The following BTK variants were observed in gnomAD, a reference collection of about 807,000 sequenced individuals.
BTK encodes Bruton tyrosine kinase, also known as tyrosine-protein kinase BTK.
In BTK, 5 loss-of-function variants were observed where a neutral mutation model predicts 57.4. The observed-to-expected ratio is 0.09, with a 90% CI of 0.05 to 0.18. The LOEUF (loss-of-function observed/expected upper bound fraction) is 0.18, where lower values mean the gene tolerates loss of function less well. Among genes scored for constraint, BTK ranks in the 10% least tolerant of loss-of-function variants. The pLI, the probability that BTK is intolerant of heterozygous loss-of-function variation, is 1.00. For synonymous variants in BTK, 154 were observed against 174.3 expected (o/e 0.88, Z 0.92); for missense variants, 194 against 501.2 (o/e 0.39, Z 5.85).
intron 1 of BTK, among the ~76,000 whole-genome samples, chrX:101,382,358 G>T (rs1382973801): frequency 8.5e-5 from 8 of 94,098 alleles, no homozygotes; most frequent in African/African-American, 4.0e-4. Context: ...ACAGAGTCTC[G>T]CTCTGTCATC....
chrX:101,375,941 A>G (rs1365908278), intron 1 of BTK, among the ~76,000 whole-genome samples: 1 of 105,146 alleles, frequency 9.5e-6, no homozygotes, highest in Non-Finnish European at 1.9e-5. Flanking sequence ...GATTTGTTCT[A>G]AAGTTGAAAA....
rs1927173668 is a variant in BTK at position 101,375,314 on chromosome X, G to A, written c.-30C>T. On this transcript the variant is annotated splice_region_variant and 5_prime_UTR_variant, in exon 2 of 19. Coordinates refer to ENST00000308731, the MANE Select transcript of BTK (RefSeq NM_000061.3). ...TCTTCTTTCTGGAGTTCACCTGTGT[G>A]CTGTTGATAATGAAAGTTCCTGAGG... The A allele has an allele frequency of 8.3e-7, 1 of 1,208,487 alleles. No homozygotes were observed. The highest frequency in any genetic ancestry group is 1.8e-5 in the African/African-American group (1 of 57,117).
chrX:101,381,045 A>G (rs184999934), intron 1 of BTK, among the ~76,000 whole-genome samples: 1,780 of 105,389 alleles, frequency 0.017, 45 homozygotes, highest in African/African-American at 0.058. Context: ...TTATATATAT[A>G]TATATGGTAC....
At position 101,381,397 on chromosome X, in the gene BTK, T is replaced by G. The variant is rs1927419919; in HGVS notation, c.-31+4665A>C. On this transcript the variant is annotated intron_variant, in intron 1 of 18. Transcript: ENST00000308731. The stretch of plus-strand genomic sequence containing the variant: ...TTTTCAGTCCTGTCTTCCTGATGCT[T>G]CACTATGAAATGTGGTAGAATTATC... 2.7e-5 allele frequency among the ~76,000 whole-genome samples: 3 copies of G among 111,889 alleles called. No homozygotes were observed. The Admixed American group carries it at 2.9e-4, about 11-fold the overall frequency.
upstream of BTK, among the ~76,000 whole-genome samples, chrX:101,386,989 C>T (rs1376888074): frequency 9.0e-6 from 1 of 111,388 alleles, no homozygotes; most frequent in Non-Finnish European, 1.9e-5. Context: ...CTAGGAAATG[C>T]AGCCAGTATT....
At chrX:101,378,528 G>GACACACACACACAC (rs72139259) in intron 1 of BTK, among the ~76,000 whole-genome samples, 77 of 95,390 alleles carry the variant, frequency 8.1e-4, no homozygotes, top group Admixed American at 3.1e-3. Context: ...CAAACATACA[G>GACACACACACACAC]ACACACACAC....
In BTK at chrX:101,349,880, C is replaced by T. The variant is rs1569289843; in HGVS notation, c.*5G>A. The T allele has an allele frequency of 6.7e-6, 8 of 1,201,984 alleles. No homozygotes were observed. Among genetic ancestry groups the T allele is most frequent in the South Asian group, 5.3e-5 (3 of 56,665 alleles). On this transcript the variant is annotated 3_prime_UTR_variant, in exon 19 of 19. Coordinates refer to ENST00000308731, the MANE Select transcript of BTK (RefSeq NM_000061.3). ...GAAGTAGAACCAAGAAGCTTATTGG[C>T]GAGCTCAGGATTCTTCATCCATGAC... is the stretch of plus-strand genomic sequence containing the variant.
At chrX:101,350,232 T>G (rs976119031) in intron 18 of BTK, among the ~76,000 whole-genome samples, 5 of 110,835 alleles carry the variant, frequency 4.5e-5, no homozygotes, top group Non-Finnish European at 5.7e-5. Context: ...GGCAAGTTCA[T>G]TATGTAACTG....
intron 17 of BTK, among the ~76,000 whole-genome samples, chrX:101,353,583 A>G (rs782245984): frequency 9.0e-6 from 1 of 111,656 alleles, no homozygotes; most frequent in African/African-American, 3.3e-5. Context: ...CTTTGCAGTT[A>G]TAGGGTCTGG....
At chrX:101,371,155 A>G (rs1426721072) in intron 4 of BTK, among the ~76,000 whole-genome samples, 6 of 112,188 alleles carry the variant, frequency 5.3e-5, no homozygotes, top group African/African-American at 1.9e-4. Context: ...GCTCTCCTAA[A>G]CAGATGCATA....
In BTK at chrX:101,374,373, G is replaced by A. The variant is rs1472766438; in HGVS notation, c.240+163C>T. The A allele has an allele frequency of 6.0e-6, 3 of 499,212 alleles. No individual in the cohort carries two copies. The African/African-American group carries it at 7.0e-5, about 12-fold the overall frequency. 41.1% of individuals were successfully genotyped at this position (499,212 alleles called of 1,213,427 possible). A position where few individuals can be genotyped will look rare whatever the true frequency, so the allele number is the denominator to read the frequency against. Reference sequence around the variant, plus strand: ...GATGTTCTGAATATGAAGGAAAGAAGCTAAGATTCTTTATAACCAATATGG... The same window carrying A: ...GATGTTCTGAATATGAAGGAAAGAAACTAAGATTCTTTATAACCAATATGG... On this transcript the variant is annotated intron_variant, in intron 3 of 18. Coordinates refer to ENST00000308731, the MANE Select transcript of BTK (RefSeq NM_000061.3).
At chrX:101,353,110 A>C in intron 18 of BTK, 84 bp downstream of exon 18, 1 of 875,872 alleles carries the variant, frequency 1.1e-6, no homozygotes, top group Non-Finnish European at 1.7e-6. Context: ...GTGTGCAGCT[A>C]TCAGTCTTTG....
At chrX:101,364,222 A>C (rs1471299491) in intron 5 of BTK, among the ~76,000 whole-genome samples, 2 of 108,168 alleles carry the variant, frequency 1.8e-5, no homozygotes, top group African/African-American at 6.7e-5. Context: ...CAGCCTGACC[A>C]ATATGATGAA....
intron 1 of BTK, among the ~76,000 whole-genome samples, chrX:101,380,534 T>C (rs1569297700): frequency 2.7e-5 from 3 of 111,429 alleles, no homozygotes; most frequent in African/African-American, 9.8e-5. Flanking sequence ...GCCTCACGTG[T>C]TAAGAAGTGA....
chrX:101,378,645 G>T (rs910112474), intron 1 of BTK, among the ~76,000 whole-genome samples: 9 of 110,970 alleles, frequency 8.1e-5, no homozygotes, highest in African/African-American at 2.6e-4. Context: ...TGGAGTTCCA[G>T]TGTTACAATG....
chrX:101,372,296 T>C (rs1555980433), intron 3 of BTK, among the ~76,000 whole-genome samples: 1 of 112,065 alleles, frequency 8.9e-6, no homozygotes, highest in African/African-American at 3.2e-5. Flanking sequence ...AATGTTCTTA[T>C]ATCAAGATCT....
chrX:101,358,928 A>G (rs1048619723), intron 10 of BTK, among the ~76,000 whole-genome samples: 9 of 111,831 alleles, frequency 8.0e-5, no homozygotes, highest in African/African-American at 2.9e-4. Context: ...ACCTGAGGTC[A>G]GGAGTTCGAG....
intron 1 of BTK, among the ~76,000 whole-genome samples, chrX:101,377,125 C>A (rs1927239942): frequency 9.0e-6 from 1 of 111,405 alleles, no homozygotes. Flanking sequence ...CTCCACCCTG[C>A]CACACACCCT....
chrX:101,369,015 T>C (rs1555979902), intron 5 of BTK, among the ~76,000 whole-genome samples: 2 of 112,479 alleles, frequency 1.8e-5, no homozygotes, highest in Non-Finnish European at 3.8e-5. Context: ...AACCAGTTAA[T>C]CTCTCAGTCA....
Sources: allele counts gnomAD v4.1 joint callset (sites outside exome capture counted in the v4.1 genomes callset), GRCh38; gene constraint gnomAD v4.1.1; transcripts MANE v1.5; gene names NCBI Gene and HGNC (gene_info 2026-07-23, HGNC 2026-07-21).